CADM2: variants seen among roughly 807,000 people sequenced by gnomAD.
CADM2 encodes the protein immunoglobulin superfamily member 4D.
Under a neutral mutation model 49.8 loss-of-function variants are expected in CADM2, and 12 were observed. The ratio of observed to expected loss-of-function variants is 0.24; its 90% CI spans 0.15 to 0.39. The LOEUF (loss-of-function observed/expected upper bound fraction) is 0.39. CADM2 is among the 10% of genes least tolerant of loss of function. The probability of loss-of-function intolerance (pLI) is 1.00; values close to 1 mark genes in which losing one functional copy is unlikely to be tolerated. For missense variants in CADM2, 378 were observed against 492.3 expected, an observed-to-expected ratio of 0.77 and a Z score of 2.20; for synonymous variants, 214 against 175.4, an observed-to-expected ratio of 1.22 and a Z score of -1.74.
At chr3:85,960,446 T>C (rs948450677) in intron 7 of CADM2, among the ~76,000 whole-genome samples, 8 of 151,924 alleles carry the variant, frequency 5.3e-5, no homozygotes, top group African/African-American at 1.9e-4. Flanking sequence ...ATATTCATCA[T>C]GTTAGAAAGC....
chr3:85,307,840 G>T (rs2107027796), intron 1 of CADM2, among the ~76,000 whole-genome samples: 1 of 150,272 alleles, frequency 6.7e-6, no homozygotes, highest in African/African-American at 2.4e-5. Flanking sequence ...ATTGTTATTT[G>T]TTTCACAGCA....
At chr3:86,046,193 G>A (rs1291381538) in intron 8 of CADM2, among the ~76,000 whole-genome samples, 2 of 151,994 alleles carry the variant, frequency 1.3e-5, no homozygotes, top group Non-Finnish European at 2.9e-5. Context: ...CCTAAATTAT[G>A]TTTTTATTTT....
intron 3 of CADM2, among the ~76,000 whole-genome samples, chr3:85,878,316 G>A (rs1381716521): frequency 2.0e-5 from 3 of 152,022 alleles, no homozygotes; most frequent in Non-Finnish European, 4.4e-5. Context: ...ACATATTTAA[G>A]TAACTTGCTC....
chr3:85,142,470 A>G (rs2039606618), intron 1 of CADM2, among the ~76,000 whole-genome samples: 1 of 152,230 alleles, frequency 6.6e-6, no homozygotes, highest in African/African-American at 2.4e-5. Context: ...GCTGGCAGAG[A>G]GCCACTTAGC....
intron 5 of CADM2, among the ~76,000 whole-genome samples, chr3:85,899,202 G>A (rs1386653441): frequency 9.2e-5 from 14 of 151,492 alleles, no homozygotes; most frequent in Non-Finnish European, 1.0e-4. Flanking sequence ...CTGACCTCAG[G>A]TGATCCACCC....
chr3:86,009,161 G>GTA (rs1164659946), intron 8 of CADM2, among the ~76,000 whole-genome samples: 162 of 140,550 alleles, frequency 1.2e-3, no homozygotes, highest in Admixed American at 2.7e-3. Context: ...ATATATATAG[G>GTA]TATATATATA....
intron 1 of CADM2, among the ~76,000 whole-genome samples, chr3:85,601,167 TATATATACAC>T (rs2063390754): frequency 2.6e-5 from 2 of 77,052 alleles, no homozygotes; most frequent in South Asian, 5.1e-4. Context: ...TATATATATA[TATATATACAC>T]ACACACACAC....
At chr3:85,068,536 A>G (rs547797792) in intron 1 of CADM2, among the ~76,000 whole-genome samples, 1 of 152,266 alleles carries the variant, frequency 6.6e-6, no homozygotes, top group African/African-American at 2.4e-5. Context: ...CCAATGGCCT[A>G]TTTAGTCAGA....
chr3:85,697,583 T>C (rs1195955922), intron 1 of CADM2, among the ~76,000 whole-genome samples: 1 of 152,208 alleles, frequency 6.6e-6, no homozygotes, highest in East Asian at 1.9e-4. Context: ...TTATAAACTG[T>C]ATGATTCTGG....
At position 85,055,776 on chromosome 3, in the gene CADM2, A is replaced by G. The variant is rs974708949; in HGVS notation, c.61+96108A>G. Among the ~76,000 whole-genome samples, 16 of 152,004 alleles carry G rather than the reference A, an allele frequency of 1.1e-4. 1 individual carries two copies. Among genetic ancestry groups the G allele is most frequent in the African/African-American group, 2.4e-5 (1 of 41,428 alleles). On this transcript the variant is annotated intron_variant, in intron 1 of 9. Transcript: ENST00000383699. ...TTACTTGCTAGCTGGAGTGAGACTC[A>G]TGGAGCACACTTTGAGTAGCTCTGG...
chr3:84,971,674 A>G (rs1330180997), intron 1 of CADM2, among the ~76,000 whole-genome samples: 2 of 152,162 alleles, frequency 1.3e-5, no homozygotes, highest in African/African-American at 4.8e-5. Flanking sequence ...AGCAGAACAT[A>G]TTATCCCTGA....
rs199506249 is a variant in CADM2 at position 85,713,264 on chromosome 3, A to AT, written c.62-13251dup. Reference sequence around the variant, plus strand: ...AGGCACCCGCTGCCACGCGGGACTAATTTTTTTGTATTTTTTAGTAGAGAT... The same window carrying AT: ...AGGCACCCGCTGCCACGCGGGACTAATTTTTTTTGTATTTTTTAGTAGAGAT... On this transcript the variant is annotated intron_variant, in intron 1 of 9. Transcript: ENST00000383699. Among the ~76,000 whole-genome samples, 308 of 152,032 alleles carry AT rather than the reference A, an allele frequency of 2.0e-3. 1 individual carries two copies. The highest frequency in any genetic ancestry group is 7.0e-3 in the African/African-American group (290 of 41,478).
At chr3:85,085,527 T>A (rs2037334526) in intron 1 of CADM2, among the ~76,000 whole-genome samples, 1 of 152,156 alleles carries the variant, frequency 6.6e-6, no homozygotes. Context: ...TTTCAGTCGA[T>A]CCCTGTTAGT....
intron 1 of CADM2, among the ~76,000 whole-genome samples, chr3:85,050,499 A>G (rs1446093441): frequency 1.3e-5 from 2 of 152,104 alleles, no homozygotes; most frequent in African/African-American, 2.4e-5. Flanking sequence ...GAGCTCTACA[A>G]TTTTCTAAAT....
chr3:85,544,916 G>A (rs1005980638), intron 1 of CADM2, among the ~76,000 whole-genome samples: 1 of 152,116 alleles, frequency 6.6e-6, no homozygotes, highest in African/African-American at 2.4e-5. Flanking sequence ...CTTGAGCGGT[G>A]CTTTGTGAAC....
chr3:85,070,171 T>C (rs1437770259), intron 1 of CADM2, among the ~76,000 whole-genome samples: 1 of 152,200 alleles, frequency 6.6e-6, no homozygotes, highest in Non-Finnish European at 1.5e-5. Flanking sequence ...TCTGATTTTA[T>C]CTACTGGCAC....
intron 1 of CADM2, among the ~76,000 whole-genome samples, chr3:85,702,628 T>C (rs1414407902): frequency 6.6e-6 from 1 of 152,224 alleles, no homozygotes; most frequent in Non-Finnish European, 1.5e-5. Context: ...CATCAATGAT[T>C]TGTATATCTG....
intron 1 of CADM2, among the ~76,000 whole-genome samples, chr3:85,174,721 G>T (rs2040730080): frequency 6.6e-6 from 1 of 151,874 alleles, no homozygotes. Context: ...TTTAACATTG[G>T]CATAAGAGTT....
chr3:86,051,984 ATTTG>A (rs1188661775), intron 8 of CADM2, among the ~76,000 whole-genome samples: 2 of 152,106 alleles, frequency 1.3e-5, no homozygotes, highest in African/African-American at 4.8e-5. Context: ...AAACTTTGTT[ATTTG>A]TTATTTTCTT....
Sources: gnomAD v4.1 joint callset for allele counts (sites outside exome capture counted in the v4.1 genomes callset) on GRCh38, gnomAD v4.1.1 for gene constraint, MANE v1.5 for transcripts, NCBI Gene and HGNC (gene_info 2026-07-23, HGNC 2026-07-21) for gene names.